Variants in NUMA1 observed in about 807,000 individuals in gnomAD.
The protein encoded by NUMA1 is nuclear mitotic apparatus protein 1.
Under a neutral mutation model 237.1 loss-of-function variants are expected in NUMA1, and 62 were observed. That is an observed-to-expected ratio of 0.26 (90% CI 0.21 to 0.32). The LOEUF (loss-of-function observed/expected upper bound fraction) is 0.32, where lower values mean the gene tolerates loss of function less well. Ranked by LOEUF, NUMA1 falls within the 10% of genes least tolerant of loss-of-function variation. The pLI is 1.00. For missense variants in NUMA1, 2,533 were observed against 2,666.5 expected, an observed-to-expected ratio of 0.95 and a Z score of 1.10; for synonymous variants, 1,028 against 1,066.1, an observed-to-expected ratio of 0.96 and a Z score of 0.70.
At chr11:72,060,754 C>A (rs1042580247) in intron 2 of NUMA1, among the ~76,000 whole-genome samples, 2 of 152,002 alleles carry the variant, frequency 1.3e-5, no homozygotes, top group African/African-American at 4.8e-5. Context: ...GAAGGCTTAG[C>A]GAGACCCCAT....
At chr11:72,072,590 T>C (rs1328156521) in intron 1 of NUMA1, among the ~76,000 whole-genome samples, 1 of 152,122 alleles carries the variant, frequency 6.6e-6, no homozygotes, top group Non-Finnish European at 1.5e-5. Context: ...CTTCTCTCCC[T>C]TCTACAGCCA....
intron 22 of NUMA1, 93 bp from the exon 23 acceptor site, chr11:72,005,462 C>T (rs535888929): frequency 4.0e-6 from 5 of 1,258,916 alleles, no homozygotes; most frequent in Non-Finnish European, 5.6e-6. Context: ...TGCCACCTAC[C>T]CCATAAACTT....
At chr11:72,009,412 A>C in intron 17 of NUMA1, 25 bp from the exon 18 acceptor site, 1 of 1,584,392 alleles carries the variant, frequency 6.3e-7, no homozygotes, top group Non-Finnish European at 8.5e-7. Context: ...CACTCAGGAA[A>C]GCTGGTCTGG....
chr11:72,070,831 C>G (rs1035206031), intron 1 of NUMA1, among the ~76,000 whole-genome samples: 2 of 152,146 alleles, frequency 1.3e-5, no homozygotes, highest in East Asian at 3.8e-4. Flanking sequence ...GCTGCACCCC[C>G]CTAAAGGCAT....
At chr11:72,073,850 T>C (rs1359219152) in intron 1 of NUMA1, among the ~76,000 whole-genome samples, 2 of 152,146 alleles carry the variant, frequency 1.3e-5, no homozygotes, top group African/African-American at 4.8e-5. Context: ...TTGCCTTCCC[T>C]GTAAAAGAGA....
intron 5 of NUMA1, 132 bp downstream of exon 5, chr11:72,024,142 A>C: frequency 1.4e-6 from 1 of 704,366 alleles, no homozygotes; most frequent in East Asian, 2.6e-5. Context: ...AGCTGTTTTC[A>C]TCTTTGTGTT....
rs71477709 is a variant in NUMA1 at position 72,009,197 on chromosome 11, G to C, written c.4840-12C>G. On this transcript the variant is annotated splice_polypyrimidine_tract_variant and intron_variant, in intron 18 of 26. Transcript: ENST00000393695. ...TTGGCTTTCTCCATCTGTGGGCAGAGAGGGTGGGTGGGTGGGGTAGAGGTT... is the reference window on the plus strand; with the variant it reads ...TTGGCTTTCTCCATCTGTGGGCAGACAGGGTGGGTGGGTGGGGTAGAGGTT... 1 of 1,225,048 alleles carries C rather than the reference G, an allele frequency of 8.2e-7. No individual in the cohort carries two copies. The highest frequency in any genetic ancestry group is 1.3e-5 in the South Asian group (1 of 78,510). The allele number at this position is 1,225,048 out of a possible 1,614,324, so 75.9% of individuals were successfully genotyped here.
intron 17 of NUMA1, among the ~76,000 whole-genome samples, chr11:72,010,039 T>C (rs375571551): frequency 6.6e-6 from 1 of 152,098 alleles, no homozygotes; most frequent in African/African-American, 2.4e-5. Flanking sequence ...GATAGAAGCA[T>C]CCCCCCTTTG....
chr11:72,011,168 ACCT>A (rs1158383346), intron 16 of NUMA1, among the ~76,000 whole-genome samples: 1 of 152,062 alleles, frequency 6.6e-6, no homozygotes, highest in Non-Finnish European at 1.5e-5. Context: ...GGGAGCCGAC[ACCT>A]CACCACCACC....
In NUMA1 at chr11:72,014,764, G is replaced by A. The variant is rs1956401748; in HGVS notation, c.2739C>T (p.Ser913=). The A allele has an allele frequency of 6.2e-7, 1 of 1,614,024 alleles. No homozygotes were observed. Among genetic ancestry groups the A allele is most frequent in the African/African-American group, 1.3e-5 (1 of 74,938 alleles). ...AGGTCTCCAAGCGGGCCACCTCTTTGCTGGTGGCAGCCATCTTTTCCTGCA... is the reference window on the plus strand; with the variant it reads ...AGGTCTCCAAGCGGGCCACCTCTTTACTGGTGGCAGCCATCTTTTCCTGCA... ...STLQEKMAAT[S]KEVARLETLV... The change falls in exon 15 of 27, where the codon AGC becomes AGT. Residue 913 remains serine (S), a synonymous_variant. Coordinates refer to ENST00000393695, the MANE Select transcript of NUMA1 (RefSeq NM_006185.4). The surrounding 1 kb of genome is among the most constrained non-coding windows in gnomAD (Gnocchi z 4.6).
At chr11:72,050,959 C>T (rs986013626) in intron 2 of NUMA1, 3 of 148,084 alleles carry the variant, frequency 2.0e-5, no homozygotes, top group African/African-American at 7.6e-5. Flanking sequence ...ATAATCATAG[C>T]TCGCTGCAAC....
chr11:72,079,943 A>G (rs2136420674), intron 1 of NUMA1, among the ~76,000 whole-genome samples: 1 of 152,238 alleles, frequency 6.6e-6, no homozygotes, highest in Non-Finnish European at 1.5e-5. Context: ...AACCCAAAGT[A>G]GAGCCAACCT....
chr11:72,019,426 G>C, intron 9 of NUMA1, 68 bp downstream of exon 9: 1 of 1,580,558 alleles, frequency 6.3e-7, no homozygotes, highest in Non-Finnish European at 8.6e-7. Context: ...CTTAACTCTA[G>C]AAGTTAGGAA....
intron 2 of NUMA1, among the ~76,000 whole-genome samples, chr11:72,046,767 C>G (rs991189644): frequency 9.9e-5 from 15 of 151,642 alleles, no homozygotes; most frequent in Admixed American, 2.6e-4. Context: ...CAAGACCAAC[C>G]TATCCAACGT....
intron 1 of NUMA1, among the ~76,000 whole-genome samples, chr11:72,078,581 T>C (rs940198124): frequency 6.6e-6 from 1 of 152,262 alleles, no homozygotes; most frequent in African/African-American, 2.4e-5. Flanking sequence ...TAAAAAAGAA[T>C]TCTACGTTTC....
At position 72,008,837 on chromosome 11, in the gene NUMA1, A is replaced by G. The variant is rs570599258; in HGVS notation, c.5067T>C (p.His1689=). The change falls in exon 20 of 27, where the codon CAT becomes CAC. Residue 1689 remains histidine, a synonymous_variant. Transcript: ENST00000393695. ...CCAGGTCTCGAAGCTGCTGGTCTGC[A>G]TGGGCAACCTGAGAAGGAGAGGGCC... ...QVRSLEAQVA[H]ADQQLRDLGK... 6.2e-7 allele frequency: 1 copy of G among 1,614,144 alleles called. No individual in the cohort carries two copies. The highest frequency in any genetic ancestry group is 2.2e-5 in the East Asian group (1 of 44,870).
At chr11:72,058,858 C>G (rs1942802044) in intron 2 of NUMA1, among the ~76,000 whole-genome samples, 1 of 152,206 alleles carries the variant, frequency 6.6e-6, no homozygotes, top group Non-Finnish European at 1.5e-5. Flanking sequence ...GCAGCTGCTT[C>G]CAACTCAACT....
intron 19 of NUMA1, 21 bp downstream of exon 19, chr11:72,008,946 G>C (rs771240681): frequency 6.3e-7 from 1 of 1,597,858 alleles, no homozygotes; most frequent in East Asian, 2.2e-5. Context: ...AGTGAGGTGA[G>C]TCTGCCAGCC....
intron 2 of NUMA1, among the ~76,000 whole-genome samples, chr11:72,069,623 C>T (rs1286048904): frequency 6.6e-6 from 1 of 152,142 alleles, no homozygotes; most frequent in Non-Finnish European, 1.5e-5. Flanking sequence ...GAGCAAGGGC[C>T]AATGAAAACC....
Sources: gnomAD v4.1 joint callset for allele counts (sites outside exome capture counted in the v4.1 genomes callset) on GRCh38, gnomAD v4.1.1 for gene constraint, Gnocchi (gnomAD v3.1) non-coding constraint, MANE v1.5 for transcripts, NCBI Gene and HGNC (gene_info 2026-07-23, HGNC 2026-07-21) for gene names.